ZNF713: variants seen among roughly 807,000 people sequenced by gnomAD.
The protein encoded by ZNF713 is zinc finger protein 713.
A neutral mutation model predicts 28.7 loss-of-function variants in ZNF713; 21 were observed. The ratio of observed to expected loss-of-function variants is 0.73; its 90% CI spans 0.52 to 1.05. The LOEUF (loss-of-function observed/expected upper bound fraction) is 1.05. Ranked by LOEUF, ZNF713 falls within the 50% of genes least tolerant of loss-of-function variation. The pLI, the probability that ZNF713 is intolerant of heterozygous loss-of-function variation, is 0.00. For missense variants in ZNF713, 458 were observed against 532.4 expected, an observed-to-expected ratio of 0.86 and a Z score of 1.37; for synonymous variants, 167 against 178.0, an observed-to-expected ratio of 0.94 and a Z score of 0.49.
chr7:55,917,705 A>C (rs1433584216), intron 4 of ZNF713, among the ~76,000 whole-genome samples: 1 of 73,070 alleles, frequency 1.4e-5, no homozygotes, highest in Non-Finnish European at 2.6e-5. Context: ...ACCCTGTCTC[A>C]AAAAAAAAAA....
At chr7:55,929,904 G>T (rs34719181) in intron 6 of ZNF713, among the ~76,000 whole-genome samples, 1 of 152,018 alleles carries the variant, frequency 6.6e-6, no homozygotes, top group Non-Finnish European at 1.5e-5. Context: ...CAAAAATTCT[G>T]CATGGTATAA....
chr7:55,901,854 T>C (rs1269744089), intron 1 of ZNF713, among the ~76,000 whole-genome samples: 1 of 152,256 alleles, frequency 6.6e-6, no homozygotes, highest in Non-Finnish European at 1.5e-5. Flanking sequence ...TATCACTTAC[T>C]AACATGACAT....
intron 6 of ZNF713, among the ~76,000 whole-genome samples, chr7:55,937,585 C>G (rs1353489280): frequency 6.6e-6 from 1 of 152,024 alleles, no homozygotes; most frequent in African/African-American, 2.4e-5. Context: ...GACAATGTAA[C>G]AGTAGGAACA....
intron 1 of ZNF713, among the ~76,000 whole-genome samples, chr7:55,903,457 G>A (rs1785615430): frequency 6.6e-6 from 1 of 151,920 alleles, no homozygotes; most frequent in African/African-American, 2.4e-5. Context: ...ATCACTTGAG[G>A]TCAGGAGTTC....
At chr7:55,897,434 C>G (rs1785494024) in intron 1 of ZNF713, among the ~76,000 whole-genome samples, 1 of 151,860 alleles carries the variant, frequency 6.6e-6, no homozygotes, top group African/African-American at 2.4e-5. Flanking sequence ...CACTCGCCAC[C>G]ACACCCAGCT....
chr7:55,889,907 A>G (rs1785348293), intron 1 of ZNF713, among the ~76,000 whole-genome samples: 1 of 152,174 alleles, frequency 6.6e-6, no homozygotes, highest in African/African-American at 2.4e-5. Context: ...CTGCTGTACA[A>G]TACTGCAGAC....
At position 55,902,146 on chromosome 7, in the gene ZNF713, G is replaced by A. The variant is rs572418962; in HGVS notation, c.-582-4107G>A. On this transcript the variant is annotated intron_variant, in intron 1 of 6. Coordinates refer to ENST00000429591, the MANE Select transcript of ZNF713 (RefSeq NM_182633.3). The stretch of plus-strand genomic sequence containing the variant: ...GCAGAGGTTGCAGTGAGCTGAGGTT[G>A]CGCCACTGCACTCCAGCCTGGGTGA... Among the ~76,000 whole-genome samples the A allele has an allele frequency of 1.1e-4, 16 of 152,270 alleles. No homozygotes were observed. The South Asian group carries it at 3.3e-3, about 32-fold the overall frequency.
At chr7:55,903,573 G>A (rs184999761) in intron 1 of ZNF713, among the ~76,000 whole-genome samples, 207 of 151,806 alleles carry the variant, frequency 1.4e-3, no homozygotes, top group African/African-American at 4.9e-3. Context: ...AGGCTGAGGC[G>A]GGAGAATCGC....
intron 2 of ZNF713, among the ~76,000 whole-genome samples, chr7:55,911,245 A>G (rs1312281873): frequency 1.3e-5 from 2 of 152,192 alleles, no homozygotes; most frequent in Non-Finnish European, 2.9e-5. Flanking sequence ...GAACAGAAAA[A>G]GATGTATTCC....
intron 4 of ZNF713, among the ~76,000 whole-genome samples, chr7:55,919,495 T>TTTTGTTTTTTTTTTG (rs1449866890): frequency 3.3e-3 from 90 of 27,502 alleles, no homozygotes; most frequent in African/African-American, 0.014. Context: ...CTCCAGTTTT[T>TTTTGTTTTTTTTTTG]TTTTTTTTTT....
rs192201919 is a variant in ZNF713, at chr7:55,897,254, T to C, written c.-582-8999T>C. On this transcript the variant is annotated intron_variant, in intron 1 of 6. Transcript: ENST00000429591. The stretch of plus-strand genomic sequence containing the variant: ...TACATAGTCTTTTTTCTTTCTTTTT[T>C]TTTTTTCTTTTTTTGAGACAGGGTC... 4.8e-3 allele frequency among the ~76,000 whole-genome samples: 727 copies of C among 151,760 alleles called. 3 individuals are homozygous for C. The highest frequency in any genetic ancestry group is 0.017 in the African/African-American group (697 of 41,424).
Position 55,890,450 on chromosome 7 carries a change from C to CA in ZNF713, c.-583+2788dup, listed in dbSNP as rs34844925. Among the ~76,000 whole-genome samples, 266 of 116,420 alleles carry CA rather than the reference C, an allele frequency of 2.3e-3. 1 individual carries two copies. Among genetic ancestry groups the CA allele is most frequent in the East Asian group, 5.6e-3 (22 of 3,952 alleles). The allele number at this position is 116,420 out of a possible 152,430, so 76.4% of individuals were successfully genotyped here. ...GGGCAAGAGAGCGAGACTCTGTCTC[C>CA]AAAAAAAAAAAAAAAAAATGACAAC... On this transcript the variant is annotated intron_variant, in intron 1 of 6. Transcript: ENST00000429591.
At chr7:55,899,197 C>CA (rs1453393715) in intron 1 of ZNF713, among the ~76,000 whole-genome samples, 12 of 150,984 alleles carry the variant, frequency 7.9e-5, no homozygotes, top group African/African-American at 2.9e-4. Context: ...ACTAAAACTA[C>CA]AAAAAATTAG....
intron 6 of ZNF713, among the ~76,000 whole-genome samples, chr7:55,937,168 T>C (rs567869779): frequency 1.2e-4 from 19 of 152,096 alleles, no homozygotes; most frequent in African/African-American, 4.6e-4. Flanking sequence ...GGTGTAGTGG[T>C]GCATGCCTGT....
At chr7:55,918,046 G>A (rs1252991612) in intron 4 of ZNF713, 4 of 456,674 alleles carry the variant, frequency 8.8e-6, no homozygotes, top group Non-Finnish European at 1.8e-5. Flanking sequence ...TTATAGATGT[G>A]GAGATCTGTG....
At chr7:55,911,404 A>T (rs1405690853) in intron 2 of ZNF713, among the ~76,000 whole-genome samples, 1 of 152,220 alleles carries the variant, frequency 6.6e-6, no homozygotes, top group East Asian at 1.9e-4. Context: ...ACTGAGGCTG[A>T]ATTTGTTGTT....
chr7:55,919,490 G>GTTTTTTTTGTTTTTGTTTTTTTT (rs1785945405), intron 4 of ZNF713, among the ~76,000 whole-genome samples: 1 of 66,760 alleles, frequency 1.5e-5, no homozygotes, highest in African/African-American at 5.0e-5. Context: ...AAACACTCCA[G>GTTTTTTTTGTTTTTGTTTTTTTT]TTTTTTTTTT....
intron 6 of ZNF713, among the ~76,000 whole-genome samples, chr7:55,929,301 T>C (rs6970353): frequency 0.82 from 124,993 of 152,194 alleles, 51,868 homozygotes; most frequent in East Asian, 0.95. Context: ...AGTAAAATTT[T>C]ATTAATGAAG....
intron 1 of ZNF713, among the ~76,000 whole-genome samples, chr7:55,898,620 T>A (rs1785516880): frequency 6.6e-6 from 1 of 152,206 alleles, no homozygotes; most frequent in Non-Finnish European, 1.5e-5. Flanking sequence ...ATCCACCCTG[T>A]GATCCAATCA....
Sources: allele counts gnomAD v4.1 joint callset (sites outside exome capture counted in the v4.1 genomes callset), GRCh38; gene constraint gnomAD v4.1.1; transcripts MANE v1.5; gene names NCBI Gene and HGNC (gene_info 2026-07-23, HGNC 2026-07-21).